The following SFMBT1 variants were observed in gnomAD, a reference collection of about 807,000 sequenced individuals.
The protein encoded by SFMBT1 is Scm like with four mbt domains 1, also known as scm-like with four MBT domains protein 1.
A neutral mutation model predicts 108.7 loss-of-function variants in SFMBT1; 32 were observed. That is an observed-to-expected ratio of 0.29 (90% CI 0.22 to 0.40). The LOEUF is 0.40. Among genes scored for constraint, SFMBT1 ranks in the 10% least tolerant of loss-of-function variants. The pLI is 1.00. For missense variants in SFMBT1, 816 were observed against 1,059.6 expected (o/e 0.77, Z 3.19); for synonymous variants, 348 against 369.5 (o/e 0.94, Z 0.67).
In SFMBT1 at chr3:53,001,895, G is replaced by A. The variant is rs372919718; in HGVS notation, c.-130-32637C>T. ...AGCACTGATCCTGCCACCGCATTCC[G>A]GCCTGGGCAACAGAGCAAGACCCAG... On this transcript the variant is annotated intron_variant, in intron 1 of 20. Coordinates refer to ENST00000394752, the MANE Select transcript of SFMBT1 (RefSeq NM_016329.4). Among the ~76,000 whole-genome samples the A allele has an allele frequency of 2.6e-4, 37 of 141,712 alleles. 3 individuals carry two copies. Among genetic ancestry groups the A allele is most frequent in the Admixed American group, 2.5e-3 (33 of 13,326 alleles). 93.0% of individuals were successfully genotyped at this position (141,712 alleles called of 152,430 possible).
intron 8 of SFMBT1, among the ~76,000 whole-genome samples, chr3:52,929,116 C>T (rs1702778453): frequency 6.6e-6 from 1 of 152,198 alleles, no homozygotes; most frequent in African/African-American, 2.4e-5. Flanking sequence ...GGATCCAAAG[C>T]CATGTAGTTT....
chr3:53,041,698 CAAAAAAAAAAAAAAAA>C (rs59502728), intron 1 of SFMBT1, among the ~76,000 whole-genome samples: 50 of 44,136 alleles, frequency 1.1e-3, no homozygotes, highest in African/African-American at 3.8e-3. Context: ...AAGTCTGTCT[CAAAAAAAAAAAAAAAA>C]AAAAAAAAAA....
At chr3:52,956,190 G>A (rs1427413184) in intron 2 of SFMBT1, among the ~76,000 whole-genome samples, 1 of 152,212 alleles carries the variant, frequency 6.6e-6, no homozygotes, top group African/African-American at 2.4e-5. Flanking sequence ...GGCTGGGCGT[G>A]GTAGCTCACG....
intron 1 of SFMBT1, among the ~76,000 whole-genome samples, chr3:53,021,506 A>G (rs2244552): frequency 0.45 from 67,860 of 152,080 alleles, 15,420 homozygotes; most frequent in South Asian, 0.63. Flanking sequence ...TCAAAAGACA[A>G]CAAGTATCCA....
intron 1 of SFMBT1, among the ~76,000 whole-genome samples, chr3:53,040,967 A>AATTTTTTTTTTTT (rs1700026239): frequency 1.4e-5 from 1 of 72,834 alleles, no homozygotes; most frequent in Non-Finnish European, 3.0e-5. Context: ...AAGACACCTG[A>AATTTTTTTTTTTT]ATTTTTTTTT....
At chr3:53,012,234 T>C (rs1427407430) in intron 1 of SFMBT1, among the ~76,000 whole-genome samples, 1 of 152,114 alleles carries the variant, frequency 6.6e-6, no homozygotes, top group Non-Finnish European at 1.5e-5. Context: ...CTGGGAGAGA[T>C]TTCCAGTTGT....
chr3:53,029,041 C>T (rs1049587455), intron 1 of SFMBT1, among the ~76,000 whole-genome samples: 22 of 152,046 alleles, frequency 1.4e-4, no homozygotes, highest in African/African-American at 5.1e-4. Context: ...GGCATGGTGG[C>T]GGGCGCCTGT....
chr3:52,937,973 C>T (rs932129391), intron 4 of SFMBT1, among the ~76,000 whole-genome samples: 1 of 152,106 alleles, frequency 6.6e-6, no homozygotes, highest in Admixed American at 6.6e-5. Context: ...CAAGTCTGTA[C>T]ACATTTTTCT....
At chr3:53,023,538 G>A (rs1330701342) in intron 1 of SFMBT1, among the ~76,000 whole-genome samples, 1 of 152,158 alleles carries the variant, frequency 6.6e-6, no homozygotes, top group African/African-American at 2.4e-5. Flanking sequence ...CATCTGTGCT[G>A]GATAGTGTAT....
chr3:53,044,258 C>G (rs970633042), intron 1 of SFMBT1, among the ~76,000 whole-genome samples: 2 of 152,186 alleles, frequency 1.3e-5, no homozygotes, highest in African/African-American at 4.8e-5. Context: ...AAGAATCTTT[C>G]AGTTAAGAAA....
intron 1 of SFMBT1, among the ~76,000 whole-genome samples, chr3:52,985,105 A>G (rs1447027388): frequency 1.3e-5 from 2 of 152,174 alleles, no homozygotes; most frequent in African/African-American, 4.8e-5. Flanking sequence ...TATTTATGGG[A>G]GCCAGTAACA....
intron 17 of SFMBT1, among the ~76,000 whole-genome samples, chr3:52,910,204 C>G (rs1373262046): frequency 6.6e-6 from 1 of 152,132 alleles, no homozygotes; most frequent in Non-Finnish European, 1.5e-5. Flanking sequence ...AAATTTCTTC[C>G]CTTGTTTGTT....
chr3:53,039,303 A>G (rs945567404), intron 1 of SFMBT1, among the ~76,000 whole-genome samples: 1 of 152,220 alleles, frequency 6.6e-6, no homozygotes, highest in African/African-American at 2.4e-5. Context: ...AAATTCTGAC[A>G]CATGCTACAA....
intron 10 of SFMBT1, among the ~76,000 whole-genome samples, chr3:52,924,076 T>TTACA (rs1702590999): frequency 6.6e-6 from 1 of 152,176 alleles, no homozygotes; most frequent in South Asian, 2.1e-4. Context: ...CTGAGCAATG[T>TTACA]TTTCCGAATT....
At chr3:53,039,576 C>T (rs563943191) in intron 1 of SFMBT1, among the ~76,000 whole-genome samples, 1 of 152,210 alleles carries the variant, frequency 6.6e-6, no homozygotes, top group South Asian at 2.1e-4. Context: ...GTACTTAATG[C>T]CACTGACCTG....
Position 52,907,106 on chromosome 3 carries a change from G to A in SFMBT1, c.2294C>T (p.Ser765Leu), listed in dbSNP as rs745423147. The A allele has an allele frequency of 2.2e-5, 35 of 1,613,366 alleles. No homozygotes were observed. The highest frequency in any genetic ancestry group is 2.7e-5 in the African/African-American group (2 of 74,862). Residue 765 changes from serine (S) to leucine (L), a missense_variant, in exon 19 of 21, where the codon TCA (serine) becomes TTA (leucine). Coordinates refer to ENST00000394752, the MANE Select transcript of SFMBT1 (RefSeq NM_016329.4). The part of the protein sequence containing the change: ...QRRKRELRTF[S>L]FSDDENKPPS... ...AGGTTTATTTTCATCGTCAGAAAAT[G>A]AAAAGGTGCGAAGCTCCCTTTTTCT...
chr3:53,015,206 T>C (rs1699084615), intron 1 of SFMBT1, among the ~76,000 whole-genome samples: 1 of 148,950 alleles, frequency 6.7e-6, no homozygotes, highest in African/African-American at 2.5e-5. Flanking sequence ...AGAGAGACCC[T>C]GTCCCAAGGA....
At chr3:52,947,585 T>A (rs796418038) in intron 3 of SFMBT1, among the ~76,000 whole-genome samples, 2 of 152,298 alleles carry the variant, frequency 1.3e-5, no homozygotes, top group African/African-American at 2.4e-5. Flanking sequence ...TCAGTCTATA[T>A]TGTGGGCATC....
intron 19 of SFMBT1, 63 bp downstream of exon 19, chr3:52,907,006 C>A: frequency 1.3e-6 from 2 of 1,536,386 alleles, no homozygotes; most frequent in South Asian, 2.6e-5. Flanking sequence ...CACTAATAAT[C>A]ATATTCCAGA....
Sources: gnomAD v4.1 joint callset for allele counts (sites outside exome capture counted in the v4.1 genomes callset) on GRCh38, gnomAD v4.1.1 for gene constraint, MANE v1.5 for transcripts, NCBI Gene and HGNC (gene_info 2026-07-23, HGNC 2026-07-21) for gene names.